RAPGEF1: variants seen among roughly 807,000 people sequenced by gnomAD.
The protein encoded by RAPGEF1 is CRK SH3-binding GNRP.
In RAPGEF1, 33 loss-of-function variants were observed where a neutral mutation model predicts 143.3. That is an observed-to-expected ratio of 0.23 (90% CI 0.17 to 0.31). The LOEUF (loss-of-function observed/expected upper bound fraction) is 0.31. Ranked by LOEUF, RAPGEF1 falls within the 10% of genes least tolerant of loss-of-function variation. The pLI is 1.00. For synonymous variants in RAPGEF1, 629 were observed against 676.5 expected (o/e 0.93, Z 1.09); for missense variants, 1,199 against 1,645.4 (o/e 0.73, Z 4.69).
chr9:131,599,654 G>T (rs1038005735), intron 15 of RAPGEF1, among the ~76,000 whole-genome samples: 2 of 152,058 alleles, frequency 1.3e-5, no homozygotes, highest in Non-Finnish European at 2.9e-5. Context: ...GACGGCCGGG[G>T]GTGTCCAAGA....
intron 1 of RAPGEF1, among the ~76,000 whole-genome samples, chr9:131,665,547 A>T (rs1830289397): frequency 6.6e-6 from 1 of 152,000 alleles, no homozygotes. Flanking sequence ...ATAAGAGCTA[A>T]GTCTCGCTAT....
chr9:131,659,190 T>C (rs544761930), intron 1 of RAPGEF1, among the ~76,000 whole-genome samples: 13 of 152,204 alleles, frequency 8.5e-5, no homozygotes, highest in African/African-American at 4.8e-5. Context: ...TTGAGGACAT[T>C]AGGAAAAGCT....
intron 14 of RAPGEF1, 71 bp downstream of exon 14, chr9:131,603,887 AGCG>A (rs1956677087): frequency 1.1e-6 from 1 of 905,646 alleles, no homozygotes; most frequent in Non-Finnish European, 1.5e-6. Flanking sequence ...GTGCGGGGGA[AGCG>A]GCCTCGGGAG....
rs1327167982 is a variant in RAPGEF1 at position 131,655,035 on chromosome 9, C to T, written c.62-4086G>A. ...AAACCAGAAAACCAAACAAAACAACCCTCCAAATAAATAGCACGGCACCTT... is the reference window on the plus strand; with the variant it reads ...AAACCAGAAAACCAAACAAAACAACTCTCCAAATAAATAGCACGGCACCTT... On this transcript the variant is annotated intron_variant, in intron 1 of 26. Coordinates refer to ENST00000683357, the MANE Select transcript of RAPGEF1 (RefSeq NM_001377935.1). The surrounding 1 kb of genome is among the most constrained non-coding windows in gnomAD (Gnocchi z 4.1). Among the ~76,000 whole-genome samples, 1 of 152,146 alleles carries T rather than the reference C, an allele frequency of 6.6e-6. No individual in the cohort carries two copies. The highest frequency in any genetic ancestry group is 2.4e-5 in the African/African-American group (1 of 41,428).
chr9:131,738,637 A>G (rs1837567285), intron 1 of RAPGEF1, among the ~76,000 whole-genome samples: 1 of 152,220 alleles, frequency 6.6e-6, no homozygotes, highest in South Asian at 2.1e-4. Flanking sequence ...AACTGGGACC[A>G]TATTCTTTCC....
chr9:131,580,494 A>C, intron 25 of RAPGEF1, 103 bp from the exon 26 acceptor site: 3 of 1,360,056 alleles, frequency 2.2e-6, no homozygotes, highest in Non-Finnish European at 3.0e-6. Context: ...GCAGCTTCCA[A>C]ACCCCAGAGC....
At chr9:131,693,947 C>A (rs879813392) in intron 1 of RAPGEF1, among the ~76,000 whole-genome samples, 1 of 150,806 alleles carries the variant, frequency 6.6e-6, no homozygotes, top group South Asian at 2.1e-4. Context: ...CAATCAGTTT[C>A]TCTCTCTCTC....
chr9:131,681,488 G>C (rs1164298878), intron 1 of RAPGEF1, among the ~76,000 whole-genome samples: 1 of 152,194 alleles, frequency 6.6e-6, no homozygotes, highest in Non-Finnish European at 1.5e-5. Context: ...AAATCAGTAT[G>C]GACCAGGTTC....
intron 12 of RAPGEF1, among the ~76,000 whole-genome samples, chr9:131,609,760 T>C (rs1310117219): frequency 6.6e-6 from 1 of 152,060 alleles, no homozygotes; most frequent in Non-Finnish European, 1.5e-5. Flanking sequence ...CAGGCACCAG[T>C]TTTTTTTCTC....
At chr9:131,607,367 G>A (rs760780893) in intron 12 of RAPGEF1, among the ~76,000 whole-genome samples, 8 of 152,186 alleles carry the variant, frequency 5.3e-5, no homozygotes, top group Non-Finnish European at 8.8e-5. Context: ...ACACTTCAAC[G>A]TTTCACAGCA....
rs34482559 is a variant in RAPGEF1 at position 131,641,203 on chromosome 9, A to T, written c.494+2036T>A. On this transcript the variant is annotated intron_variant, in intron 4 of 26. Coordinates refer to ENST00000683357, the MANE Select transcript of RAPGEF1 (RefSeq NM_001377935.1). This position sits in a 1 kb window ranked among gnomAD's most constrained non-coding sequence, Gnocchi z 4.6. ...CAATACACTCTGGGTGTGAGGGTCC[A>T]GGGGACGCTATCCTGGACTCTCCCA... is the stretch of plus-strand genomic sequence containing the variant. Among the ~76,000 whole-genome samples the T allele has an allele frequency of 6.6e-6, 1 of 152,118 alleles. No individual in the cohort carries two copies. Among genetic ancestry groups the T allele is most frequent in the Non-Finnish European group, 1.5e-5 (1 of 68,016 alleles).
At chr9:131,679,032 G>T (rs191234559) in intron 1 of RAPGEF1, among the ~76,000 whole-genome samples, 1 of 152,114 alleles carries the variant, frequency 6.6e-6, no homozygotes, top group African/African-American at 2.4e-5. Context: ...TCCTCAGCCC[G>T]GAGAAGCAAA....
At chr9:131,624,246 T>C (rs549943853) in intron 10 of RAPGEF1, among the ~76,000 whole-genome samples, 19 of 152,204 alleles carry the variant, frequency 1.2e-4, no homozygotes, top group Non-Finnish European at 2.5e-4. Flanking sequence ...TTGGAGGTAA[T>C]AGAGCCTGCC....
intron 3 of RAPGEF1, among the ~76,000 whole-genome samples, chr9:131,647,483 A>G (rs1387628074): frequency 6.6e-6 from 1 of 152,188 alleles, no homozygotes; most frequent in Non-Finnish European, 1.5e-5. Flanking sequence ...CTCGTATCTG[A>G]GCAGGGAAAG....
chr9:131,613,119 C>T (rs932027518), intron 12 of RAPGEF1, among the ~76,000 whole-genome samples: 1 of 152,212 alleles, frequency 6.6e-6, no homozygotes, highest in Non-Finnish European at 1.5e-5. Context: ...GCTGGTTGTG[C>T]GTCACGTACT....
At chr9:131,708,259 G>A (rs543539835) in intron 1 of RAPGEF1, among the ~76,000 whole-genome samples, 21 of 152,210 alleles carry the variant, frequency 1.4e-4, no homozygotes, top group Non-Finnish European at 2.9e-4. Flanking sequence ...TCTTGCTACT[G>A]ATCAAATGCT....
At chr9:131,613,124 CGTA>C (rs1958298589) in intron 12 of RAPGEF1, among the ~76,000 whole-genome samples, 1 of 152,212 alleles carries the variant, frequency 6.6e-6, no homozygotes, top group Non-Finnish European at 1.5e-5. Context: ...TTGTGCGTCA[CGTA>C]CTACATGTGT....
chr9:131,642,936 C>T (rs1054713541), intron 4 of RAPGEF1, among the ~76,000 whole-genome samples: 2 of 152,170 alleles, frequency 1.3e-5, no homozygotes, highest in South Asian at 4.1e-4. Flanking sequence ...TGAATCCAGG[C>T]TCCATGTCCG....
intron 1 of RAPGEF1, among the ~76,000 whole-genome samples, chr9:131,666,387 A>AT (rs111587610): frequency 0.099 from 14,677 of 147,800 alleles, 822 homozygotes; most frequent in Middle Eastern, 0.26. Context: ...TTAAAACAAA[A>AT]TTTTTTTTTT....
Sources: gnomAD v4.1 joint callset for allele counts (sites outside exome capture counted in the v4.1 genomes callset) on GRCh38, gnomAD v4.1.1 for gene constraint, Gnocchi (gnomAD v3.1) non-coding constraint, MANE v1.5 for transcripts, NCBI Gene and HGNC (gene_info 2026-07-23, HGNC 2026-07-21) for gene names.